The following MICU2 variants were observed in gnomAD, a reference collection of about 807,000 sequenced individuals.
MICU2 encodes the protein mitochondrial calcium uptake 2.
In MICU2, 64 loss-of-function variants were observed where a neutral mutation model predicts 60.4. The ratio of observed to expected loss-of-function variants is 1.06; its 90% CI spans 0.87 to 1.31. The LOEUF (loss-of-function observed/expected upper bound fraction) is 1.31, where lower values mean the gene tolerates loss of function less well. MICU2 is among the 50% of genes most tolerant of loss of function. The probability of loss-of-function intolerance (pLI) is 0.00; values close to 1 mark genes in which losing one functional copy is unlikely to be tolerated. For synonymous variants in MICU2, 201 were observed against 175.0 expected (o/e 1.15, Z -1.17); for missense variants, 569 against 531.0 (o/e 1.07, Z -0.70).
chr13:21,496,399 G>A, intron 9 of MICU2: 1 of 431,154 alleles, frequency 2.3e-6, no homozygotes, highest in Non-Finnish European at 4.1e-6. Context: ...GGCCCTGCTG[G>A]TGCCTTGATC....
intron 4 of MICU2, among the ~76,000 whole-genome samples, chr13:21,532,495 T>C (rs568627521): frequency 1.3e-5 from 2 of 152,346 alleles, no homozygotes; most frequent in Non-Finnish European, 2.9e-5. Flanking sequence ...AATTTCTCAG[T>C]GCTCTTTCAG....
At chr13:21,514,540 CT>C (rs112252216) in intron 6 of MICU2, 122 bp from the exon 7 acceptor site, 27,160 of 479,858 alleles carry the variant, frequency 0.057, 623 homozygotes, top group African/African-American at 0.17. Context: ...ATATTAACTT[CT>C]TTTTTTTTTT....
intron 9 of MICU2, among the ~76,000 whole-genome samples, chr13:21,499,031 A>G (rs890383390): frequency 1.3e-5 from 2 of 151,848 alleles, no homozygotes; most frequent in African/African-American, 2.4e-5. Context: ...GCTCACCAGA[A>G]CCTCCGCCTC....
At chr13:21,598,470 C>A (rs1888743371) in intron 1 of MICU2, among the ~76,000 whole-genome samples, 1 of 152,100 alleles carries the variant, frequency 6.6e-6, no homozygotes, top group African/African-American at 2.4e-5. Context: ...AATCCCAGAA[C>A]TTTAGGAGGC....
chr13:21,513,968 A>G (rs1270561865), intron 7 of MICU2, among the ~76,000 whole-genome samples: 1 of 152,144 alleles, frequency 6.6e-6, no homozygotes, highest in Non-Finnish European at 1.5e-5. Flanking sequence ...TGTGTGAATG[A>G]GAGGGAAATT....
At chr13:21,551,093 C>A (rs1887550305) in intron 2 of MICU2, among the ~76,000 whole-genome samples, 1 of 152,240 alleles carries the variant, frequency 6.6e-6, no homozygotes, top group African/African-American at 2.4e-5. Context: ...CCTGGCTCAG[C>A]TTCCATGGTC....
intron 2 of MICU2, among the ~76,000 whole-genome samples, chr13:21,552,526 T>A (rs1253661295): frequency 2.0e-5 from 3 of 152,292 alleles, no homozygotes; most frequent in Admixed American, 6.5e-5. Context: ...CTGAATGGTA[T>A]TGCCTAGGTT....
intron 4 of MICU2, among the ~76,000 whole-genome samples, chr13:21,531,845 C>G (rs948833683): frequency 2.0e-5 from 3 of 152,104 alleles, no homozygotes; most frequent in Admixed American, 2.0e-4. Context: ...CAAAAACAAA[C>G]GAACAAAAAA....
At chr13:21,538,603 C>T (rs1266288271) in intron 4 of MICU2, among the ~76,000 whole-genome samples, 1 of 142,942 alleles carries the variant, frequency 7.0e-6, no homozygotes, top group Non-Finnish European at 1.5e-5. Flanking sequence ...CACACCAATA[C>T]AAATAAATAG....
At chr13:21,590,718 G>A (rs933660975) in intron 1 of MICU2, among the ~76,000 whole-genome samples, 5 of 152,188 alleles carry the variant, frequency 3.3e-5, no homozygotes, top group African/African-American at 1.2e-4. Context: ...AGCTAGGTGT[G>A]GTGGCATTTG....
intron 2 of MICU2, among the ~76,000 whole-genome samples, chr13:21,549,971 T>G (rs968662331): frequency 1.3e-5 from 2 of 152,150 alleles, no homozygotes; most frequent in Non-Finnish European, 2.9e-5. Context: ...TTCAGGGAAC[T>G]TAAGCTAAAA....
intron 1 of MICU2, among the ~76,000 whole-genome samples, chr13:21,590,695 A>T (rs922487299): frequency 6.6e-6 from 1 of 152,174 alleles, no homozygotes; most frequent in Admixed American, 6.5e-5. Flanking sequence ...TTCTACTAAA[A>T]ATACAAAAAA....
At chr13:21,590,615 GC>G (rs1187527315) in intron 1 of MICU2, among the ~76,000 whole-genome samples, 1 of 152,202 alleles carries the variant, frequency 6.6e-6, no homozygotes, top group Non-Finnish European at 1.5e-5. Flanking sequence ...GGTGGCTCAC[GC>G]CTGTAATCCC....
chr13:21,521,290 C>A lies in MICU2; in HGVS notation c.552G>T (p.Leu184=). 6 of 1,610,026 alleles carry A rather than the reference C, an allele frequency of 3.7e-6. No homozygotes were observed. Among genetic ancestry groups the A allele is most frequent in the Non-Finnish European group, 5.1e-6 (6 of 1,178,726 alleles). The change falls in exon 6 of 12, where the codon CTG becomes CTT. Residue 184 remains leucine, a synonymous_variant. Transcript: ENST00000382374. ...CAATCATCTCATTACCATCTGTATC[C>A]AGCATTTTAAAAGCAACATGAAATC... ...HSGFHVAFKM[L]DTDGNEMIEK...
chr13:21,496,201 T>C, intron 9 of MICU2, 41 bp from the exon 10 acceptor site: 1 of 1,380,210 alleles, frequency 7.2e-7, no homozygotes, highest in Non-Finnish European at 1.0e-6. Flanking sequence ...TGTAAGTACA[T>C]TAAATAATCT....
intron 4 of MICU2, among the ~76,000 whole-genome samples, chr13:21,537,725 C>T (rs184453106): frequency 1.1e-4 from 16 of 152,178 alleles, no homozygotes; most frequent in Middle Eastern, 3.4e-3. Context: ...GCTGCCTCGG[C>T]CTCAATGGCC....
At chr13:21,572,054 T>C (rs1888123162) in intron 1 of MICU2, among the ~76,000 whole-genome samples, 3 of 152,080 alleles carry the variant, frequency 2.0e-5, no homozygotes, top group Middle Eastern at 3.4e-3. Context: ...ACCTATCTAA[T>C]AAACTTAGTT....
intron 1 of MICU2, among the ~76,000 whole-genome samples, chr13:21,593,571 C>CAAAAA (rs71093338): frequency 0.029 from 1,835 of 62,922 alleles, 4 homozygotes; most frequent in African/African-American, 0.034. Flanking sequence ...CAATCCTAAG[C>CAAAAA]AAAAAAAAAA....
chr13:21,522,556 AAC>A (rs1253069601), intron 5 of MICU2, 45 bp downstream of exon 5: 9 of 1,463,796 alleles, frequency 6.1e-6, no homozygotes, highest in Non-Finnish European at 8.4e-6. Context: ...GTTTGGTAAG[AAC>A]AGAGAATTCC....
Sources: allele counts gnomAD v4.1 joint callset (sites outside exome capture counted in the v4.1 genomes callset), GRCh38; gene constraint gnomAD v4.1.1; transcripts MANE v1.5; gene names NCBI Gene and HGNC (gene_info 2026-07-23, HGNC 2026-07-21).